Variants in PGD observed in about 807,000 individuals in gnomAD.
PGD encodes phosphogluconate dehydrogenase.
In PGD, 21 loss-of-function variants were observed where a neutral mutation model predicts 60.4. The ratio of observed to expected loss-of-function variants is 0.35; its 90% CI spans 0.25 to 0.50. The LOEUF (loss-of-function observed/expected upper bound fraction) is 0.50, where lower values mean the gene tolerates loss of function less well. Ranked by LOEUF, PGD falls within the 20% of genes least tolerant of loss-of-function variation. The pLI, the probability that PGD is intolerant of heterozygous loss-of-function variation, is 0.98. For synonymous variants in PGD, 230 were observed against 235.9 expected (o/e 0.97, Z 0.23); for missense variants, 477 against 613.1 (o/e 0.78, Z 2.34).
chr1:10,399,077 T>A lies in PGD; in HGVS notation c.-41T>A, dbSNP rs750461747. On this transcript the variant is annotated 5_prime_UTR_variant, in exon 1 of 13. Transcript: ENST00000270776. Reference sequence around the variant, plus strand: ...CTGCGGGTCTTTCCCTCACTCGTCCTCCGCGCGTCGCCGCTCTTCGGTTCT... The same window carrying A: ...CTGCGGGTCTTTCCCTCACTCGTCCACCGCGCGTCGCCGCTCTTCGGTTCT... 19 of 1,608,622 alleles carry A rather than the reference T, an allele frequency of 1.2e-5. No homozygotes were observed. The highest frequency in any genetic ancestry group is 1.4e-5 in the Non-Finnish European group (16 of 1,179,462).
At chr1:10,419,578 C>G (rs2298570) in intron 12 of PGD, 39 bp downstream of exon 12, 776,082 of 1,613,760 alleles carry the variant, frequency 0.48, 189,295 homozygotes, top group African/African-American at 0.67. Flanking sequence ...GCTGGCCCCT[C>G]GGGGGCGTGC....
At chr1:10,412,351 T>G (rs1639514008) in intron 7 of PGD, among the ~76,000 whole-genome samples, 1 of 152,226 alleles carries the variant, frequency 6.6e-6, no homozygotes, top group South Asian at 2.1e-4. Flanking sequence ...CAATGGGATG[T>G]GATTTACAGA....
Position 10,417,435 on chromosome 1 carries a change from A to G in PGD, c.1035A>G (p.Ala345=). The G allele has an allele frequency of 6.2e-7, 1 of 1,614,012 alleles. No homozygotes were observed. Among genetic ancestry groups the G allele is most frequent in the South Asian group, 1.1e-5 (1 of 91,034 alleles). Reference sequence around the variant, plus strand: ...AAGGCTTTATGCTGCTAAGGCAGGCAGCCACCGAGTTTGGCTGGACTCTCA... The same window carrying G: ...AAGGCTTTATGCTGCTAAGGCAGGCGGCCACCGAGTTTGGCTGGACTCTCA... ...YAQGFMLLRQ[A]ATEFGWTLNY... The change falls in exon 10 of 13, where the codon GCA becomes GCG. Residue 345 remains alanine (A), a synonymous_variant. Transcript: ENST00000270776.
chr1:10,419,332 C>T, intron 11 of PGD, 85 bp from the exon 12 acceptor site: 1 of 1,534,548 alleles, frequency 6.5e-7, no homozygotes. Flanking sequence ...ATCAGTTTTT[C>T]ATTTACCCAC....
intron 3 of PGD, among the ~76,000 whole-genome samples, chr1:10,402,038 T>C (rs1351419526): frequency 6.6e-6 from 1 of 151,812 alleles, no homozygotes; most frequent in Non-Finnish European, 1.5e-5. Context: ...AATTAATTAA[T>C]TAATTAATAA....
In PGD at chr1:10,399,079, C is replaced by G. The variant is rs189369210; in HGVS notation, c.-39C>G. 2 of 1,608,582 alleles carry G rather than the reference C, an allele frequency of 1.2e-6. No homozygotes were observed. The highest frequency in any genetic ancestry group is 2.7e-5 in the African/African-American group (2 of 74,852). On this transcript the variant is annotated 5_prime_UTR_variant, in exon 1 of 13. Coordinates refer to ENST00000270776, the MANE Select transcript of PGD (RefSeq NM_002631.4). ...GCGGGTCTTTCCCTCACTCGTCCTC[C>G]GCGCGTCGCCGCTCTTCGGTTCTGC...
rs1639608054 is a variant in PGD, at chr1:10,417,066, G to A, written c.924G>A (p.Gln308=). 6.2e-7 allele frequency: 1 copy of A among 1,613,948 alleles called. No homozygotes were observed. The highest frequency in any genetic ancestry group is 1.7e-5 in the Admixed American group (1 of 59,996). ...IQASKKLKGP[Q]KFQFDGDKKS... ...CTAGCAAAAAGCTGAAGGGTCCCCA[G>A]AAGTTCCAGTTTGATGGTGATAAGA... Residue 308 remains glutamine (Q), a synonymous_variant, in exon 9 of 13, where the codon CAG becomes CAA. Coordinates refer to ENST00000270776, the MANE Select transcript of PGD (RefSeq NM_002631.4).
chr1:10,418,182 T>C (rs1002380799), intron 10 of PGD, among the ~76,000 whole-genome samples: 3 of 152,240 alleles, frequency 2.0e-5, no homozygotes, highest in African/African-American at 7.2e-5. Flanking sequence ...GGCTGAAGAT[T>C]CATTTGATGA....
At chr1:10,399,578 G>C (rs1297886864) in intron 1 of PGD, 51 bp from the exon 2 acceptor site, 18 of 1,513,404 alleles carry the variant, frequency 1.2e-5, no homozygotes, top group Non-Finnish European at 1.4e-5. Context: ...CTGGGTTGCA[G>C]CGCGTCGAGC....
intron 8 of PGD, among the ~76,000 whole-genome samples, chr1:10,416,719 GT>G (rs1639601401): frequency 6.6e-6 from 1 of 152,170 alleles, no homozygotes; most frequent in Non-Finnish European, 1.5e-5. Flanking sequence ...GGGCCGAGGG[GT>G]CACAAGGTGC....
Position 10,411,861 on chromosome 1 carries a change from G to A in PGD, c.654+309G>A, listed in dbSNP as rs546283545. ...ACAGTTGTCCCACATGGCAGATGCA[G>A]CAGAAGCTTTCTTTCCTGATCAAGT... On this transcript the variant is annotated intron_variant, in intron 7 of 12. Transcript: ENST00000270776. Among the ~76,000 whole-genome samples, 4 of 152,336 alleles carry A rather than the reference G, an allele frequency of 2.6e-5. No homozygotes were observed. The South Asian group carries it at 8.3e-4, about 32-fold the overall frequency.
At chr1:10,400,967 T>A (rs1639305882) in intron 3 of PGD, among the ~76,000 whole-genome samples, 1 of 152,008 alleles carries the variant, frequency 6.6e-6, no homozygotes, top group Non-Finnish European at 1.5e-5. Context: ...TGGTGTAAGC[T>A]TATGGTCCCA....
In PGD at chr1:10,411,462, C is replaced by T. The variant is rs1165782180; in HGVS notation, c.564C>T (p.Asn188=). ...GCCACTTCGTGAAGATGGTGCACAA[C>T]GGGATAGAGTATGGGGACATGCAGC... ...GAGHFVKMVH[N]GIEYGDMQLI... Residue 188 remains asparagine, a synonymous_variant, in exon 7 of 13, where the codon AAC becomes AAT. Coordinates refer to ENST00000270776, the MANE Select transcript of PGD (RefSeq NM_002631.4). 6.2e-6 allele frequency: 10 copies of T among 1,613,986 alleles called. No individual in the cohort carries two copies. Among genetic ancestry groups the T allele is most frequent in the African/African-American group, 1.3e-5 (1 of 75,008 alleles).
In PGD at chr1:10,420,031, G is replaced by A. The variant is rs1393492834; in HGVS notation, c.*282G>A. On this transcript the variant is annotated 3_prime_UTR_variant, in exon 13 of 13. Transcript: ENST00000270776. ...TTCCGCGTGCCCCGTGTGCTGGTGCGGTTCCCATCACGCAGACAGGAAGGG... is the reference window on the plus strand; with the variant it reads ...TTCCGCGTGCCCCGTGTGCTGGTGCAGTTCCCATCACGCAGACAGGAAGGG... 1.5e-5 allele frequency: 6 copies of A among 411,488 alleles called. No homozygotes were observed. Among genetic ancestry groups the A allele is most frequent in the Admixed American group, 7.9e-5 (2 of 25,444 alleles). The allele number at this position is 411,488 out of a possible 1,614,324, so 25.5% of individuals were successfully genotyped here.
chr1:10,400,243 GTGAGCCTCCCACAGC>G (rs1252424648), intron 2 of PGD, 135 bp from the exon 3 acceptor site: 1 of 608,062 alleles, frequency 1.6e-6, no homozygotes, highest in Admixed American at 3.2e-5. Flanking sequence ...TAACTTTACA[GTGAGCCTCCCACAGC>G]TGGGGGAAGA....
At position 10,420,291 on chromosome 1, in the gene PGD, G is replaced by A. The variant is rs1374720162; in HGVS notation, c.*542G>A. On this transcript the variant is annotated 3_prime_UTR_variant, in exon 13 of 13. Coordinates refer to ENST00000270776, the MANE Select transcript of PGD (RefSeq NM_002631.4). ...GCTTCACTCAGAGGAGGCAGGCAGG[G>A]AGGACACACCAGGGGCTTTAATACA... 1.3e-5 allele frequency: 2 copies of A among 154,776 alleles called. No homozygotes were observed. Among genetic ancestry groups the A allele is most frequent in the Non-Finnish European group, 2.9e-5 (2 of 69,862 alleles). 9.6% of individuals were successfully genotyped at this position (154,776 alleles called of 1,614,324 possible).
intron 11 of PGD, 99 bp from the exon 12 acceptor site, chr1:10,419,318 A>G: frequency 6.6e-7 from 1 of 1,507,894 alleles, no homozygotes; most frequent in Non-Finnish European, 8.9e-7. Flanking sequence ...CGCCTGGCCT[A>G]ACCATCAGTT....
chr1:10,404,425 C>G (rs1044840248), intron 5 of PGD, 146 bp downstream of exon 5: 16 of 492,162 alleles, frequency 3.3e-5, no homozygotes, highest in African/African-American at 3.2e-4. Flanking sequence ...TTTATCTAGA[C>G]ATTTTGTTGC....
At chr1:10,418,738 C>T in intron 10 of PGD, 88 bp from the exon 11 acceptor site, 1 of 747,464 alleles carries the variant, frequency 1.3e-6, no homozygotes, top group Non-Finnish European at 2.3e-6. Context: ...TCGTGCCACT[C>T]CACTCCAGCC....
Sources: gnomAD v4.1 joint callset for allele counts (sites outside exome capture counted in the v4.1 genomes callset) on GRCh38, gnomAD v4.1.1 for gene constraint, MANE v1.5 for transcripts, NCBI Gene and HGNC (gene_info 2026-07-23, HGNC 2026-07-21) for gene names.